The following SNAP25 variants were observed in gnomAD, a reference collection of about 807,000 sequenced individuals.
SNAP25 encodes synaptosomal-associated protein 25.
A neutral mutation model predicts 28.7 loss-of-function variants in SNAP25; 3 were observed. That is an observed-to-expected ratio of 0.10 (90% confidence interval 0.05 to 0.27). SNAP25 has a LOEUF of 0.27. Ranked by LOEUF, SNAP25 falls within the 10% of genes least tolerant of loss-of-function variation. The probability of loss-of-function intolerance (pLI) is 1.00; values close to 1 mark genes in which losing one functional copy is unlikely to be tolerated. For synonymous variants in SNAP25, 61 were observed against 88.1 expected (o/e 0.69, Z 1.72); for missense variants, 117 against 278.7 (o/e 0.42, Z 4.13).
At chr20:10,237,208 A>G (rs1014103249) in intron 1 of SNAP25, among the ~76,000 whole-genome samples, 26 of 152,140 alleles carry the variant, frequency 1.7e-4, no homozygotes, top group Non-Finnish European at 3.5e-4. Context: ...CAGCCCAGCC[A>G]GGGACCTCTC....
intron 1 of SNAP25, among the ~76,000 whole-genome samples, chr20:10,265,310 C>T (rs2063488761): frequency 6.6e-6 from 1 of 152,156 alleles, no homozygotes; most frequent in African/African-American, 2.4e-5. Flanking sequence ...GAAATGTAAA[C>T]AGAAACTTAC....
chr20:10,286,038 C>T (rs2063870638), intron 4 of SNAP25, among the ~76,000 whole-genome samples: 3 of 152,112 alleles, frequency 2.0e-5, no homozygotes, highest in Admixed American at 2.0e-4. Flanking sequence ...CAAGACACTC[C>T]ACTCCTAGAA....
intron 1 of SNAP25, among the ~76,000 whole-genome samples, chr20:10,271,613 G>C (rs1013150896): frequency 6.6e-6 from 1 of 152,232 alleles, no homozygotes; most frequent in South Asian, 2.1e-4. Flanking sequence ...TGGATAGGCT[G>C]CTGTCAGCTT....
intron 1 of SNAP25, among the ~76,000 whole-genome samples, chr20:10,221,693 A>G (rs1172305108): frequency 4.6e-5 from 7 of 152,250 alleles, no homozygotes; most frequent in Admixed American, 1.3e-4. Flanking sequence ...ACAACCACAC[A>G]TGCACAAACA....
chr20:10,251,828 G>A (rs958400440), intron 1 of SNAP25, among the ~76,000 whole-genome samples: 1 of 152,170 alleles, frequency 6.6e-6, no homozygotes, highest in Non-Finnish European at 1.5e-5. Flanking sequence ...CCTAGAAAGT[G>A]AATTTATGGA....
intron 3 of SNAP25, among the ~76,000 whole-genome samples, chr20:10,282,692 G>A (rs2063802914): frequency 6.6e-6 from 1 of 152,202 alleles, no homozygotes; most frequent in South Asian, 2.1e-4. Context: ...AAGATTTCAT[G>A]TGTGGCCTGA....
At chr20:10,297,323 A>G (rs181907833) in intron 6 of SNAP25, among the ~76,000 whole-genome samples, 1 of 152,122 alleles carries the variant, frequency 6.6e-6, no homozygotes, top group South Asian at 2.1e-4. Context: ...GGTTCCTTAC[A>G]TGGTGGTAGC....
At chr20:10,269,139 AG>A (rs1568603841) in intron 1 of SNAP25, among the ~76,000 whole-genome samples, 9 of 152,200 alleles carry the variant, frequency 5.9e-5, no homozygotes, top group Non-Finnish European at 1.0e-4. Flanking sequence ...AGTCCGGCGC[AG>A]TGTCTCACGC....
intron 4 of SNAP25, among the ~76,000 whole-genome samples, chr20:10,287,600 G>A (rs1234771082): frequency 5.8e-5 from 8 of 136,794 alleles, no homozygotes; most frequent in Admixed American, 5.3e-4. Context: ...AGTCAGTGTG[G>A]CGATTCCTCA....
intron 1 of SNAP25, among the ~76,000 whole-genome samples, chr20:10,255,712 A>G (rs972906799): frequency 6.6e-6 from 1 of 152,218 alleles, no homozygotes; most frequent in African/African-American, 2.4e-5. Flanking sequence ...TCCTCCATTT[A>G]TAGAATATTT....
At chr20:10,272,993 T>C (rs913075319) in intron 1 of SNAP25, among the ~76,000 whole-genome samples, 1 of 152,136 alleles carries the variant, frequency 6.6e-6, no homozygotes, top group African/African-American at 2.4e-5. Context: ...TGGAAAGTGA[T>C]ATTAATATGT....
chr20:10,289,099 T>C (rs1209844127), intron 4 of SNAP25, among the ~76,000 whole-genome samples: 1 of 152,176 alleles, frequency 6.6e-6, no homozygotes, highest in East Asian at 1.9e-4. Flanking sequence ...CACTGTTGGG[T>C]CAGGCCAGGC....
rs1192411815 is a variant in SNAP25, at chr20:10,306,186, G to T, written c.610G>T (p.Gly204Ter). Reference protein sequence around the residue: ...EANQRATKMLGSG With the variant: ...EANQRATKML The stretch of plus-strand genomic sequence containing the variant: ...CAACCAACGTGCAACAAAGATGCTG[G>T]GAAGTGGTTAAGTGTGCCCACCCGT... The change falls in exon 8 of 8, where the codon GGA becomes TGA. Residue 204 changes from glycine to a stop codon, truncating the protein, a stop_gained. Coordinates refer to ENST00000254976, the MANE Select transcript of SNAP25 (RefSeq NM_130811.4). LOFTEE classifies it high-confidence loss of function. The T allele has an allele frequency of 6.2e-7, 1 of 1,613,336 alleles. No individual in the cohort carries two copies. The highest frequency in any genetic ancestry group is 2.2e-5 in the East Asian group (1 of 44,872).
chr20:10,228,569 G>C (rs928763427), intron 1 of SNAP25, among the ~76,000 whole-genome samples: 2 of 152,170 alleles, frequency 1.3e-5, no homozygotes, highest in African/African-American at 4.8e-5. Flanking sequence ...TCAGCTGGCT[G>C]CATGCCAGCT....
chr20:10,294,454 C>T (rs781459520), intron 5 of SNAP25, among the ~76,000 whole-genome samples: 8 of 152,134 alleles, frequency 5.3e-5, no homozygotes, highest in Non-Finnish European at 1.2e-4. Flanking sequence ...TTGCTCCCTT[C>T]CATTTTTAGC....
chr20:10,249,552 C>T (rs1487254820), intron 1 of SNAP25, among the ~76,000 whole-genome samples: 1 of 152,150 alleles, frequency 6.6e-6, no homozygotes, highest in Admixed American at 6.5e-5. Flanking sequence ...ATGGCAGAGC[C>T]TCTGTGATGT....
At chr20:10,274,803 A>T (rs6039804) in intron 1 of SNAP25, among the ~76,000 whole-genome samples, 37,016 of 151,950 alleles carry the variant, frequency 0.24, 4,766 homozygotes, top group Middle Eastern at 0.33. Context: ...AGATCACGCC[A>T]CTGCACTCCA....
rs111822010 is a variant in SNAP25, at chr20:10,223,149, G to A, written c.-64+4172G>A. On this transcript the variant is annotated intron_variant, in intron 1 of 7. Transcript: ENST00000254976. ...AAAATGGGAGGAAAAAGATGGAATG[G>A]TAGAATTTTGAAAAACTGGAATGGG... 3.9e-5 allele frequency among the ~76,000 whole-genome samples: 6 copies of A among 152,298 alleles called. 1 individual carries two copies. Among genetic ancestry groups the A allele is most frequent in the African/African-American group, 1.2e-4 (5 of 41,572 alleles).
intron 7 of SNAP25, among the ~76,000 whole-genome samples, chr20:10,305,503 C>T (rs979740926): frequency 3.3e-5 from 5 of 152,148 alleles, no homozygotes; most frequent in Admixed American, 3.3e-4. Flanking sequence ...GATCACACCG[C>T]TGTTCCCCAG....
Sources: allele counts gnomAD v4.1 joint callset (sites outside exome capture counted in the v4.1 genomes callset), GRCh38; gene constraint gnomAD v4.1.1; transcripts MANE v1.5; gene names NCBI Gene and HGNC (gene_info 2026-07-23, HGNC 2026-07-21).